The following DYNC2LI1 variants were observed in gnomAD, a reference collection of about 807,000 sequenced individuals.
DYNC2LI1 encodes cytoplasmic dynein 2 light intermediate chain 1.
Under a neutral mutation model 51.9 loss-of-function variants are expected in DYNC2LI1, and 45 were observed. That is an observed-to-expected ratio of 0.87 (90% CI 0.68 to 1.11). DYNC2LI1 has a LOEUF of 1.11. Among genes scored for constraint, DYNC2LI1 ranks in the 50% most tolerant of loss-of-function variants. The pLI is 0.00. For missense variants in DYNC2LI1, 490 were observed against 417.4 expected, an observed-to-expected ratio of 1.17 and a Z score of -1.51; for synonymous variants, 130 against 137.8, an observed-to-expected ratio of 0.94 and a Z score of 0.40.
chr2:43,781,170 C>T (rs1225497459), intron 2 of DYNC2LI1, among the ~76,000 whole-genome samples: 1 of 151,998 alleles, frequency 6.6e-6, no homozygotes, highest in East Asian at 1.9e-4. Flanking sequence ...AGTTCAAGAC[C>T]AGCCTGACCA....
At chr2:43,812,875 C>G (rs1233559775), downstream of DYNC2LI1, 2 of 527,816 alleles carry the variant, frequency 3.8e-6, no homozygotes, top group Non-Finnish European at 6.8e-6. Flanking sequence ...TTCTTGGGTC[C>G]GCTCAGTCAC....
chr2:43,792,163 G>C (rs1231157882), intron 5 of DYNC2LI1, among the ~76,000 whole-genome samples: 1 of 152,010 alleles, frequency 6.6e-6, no homozygotes, highest in Non-Finnish European at 1.5e-5. Flanking sequence ...AACTGCTTAT[G>C]AGCTTATTAA....
At chr2:43,826,360 C>T in the DYNC2LI1 span, 6 of 1,613,578 alleles carry the variant, frequency 3.7e-6, no homozygotes, top group Middle Eastern at 1.7e-4. Context: ...TAGACCCGGC[C>T]TTTACGAGTT....
chr2:43,781,409 A>G (rs1673275511), intron 2 of DYNC2LI1, among the ~76,000 whole-genome samples: 1 of 151,860 alleles, frequency 6.6e-6, no homozygotes, highest in Non-Finnish European at 1.5e-5. Context: ...ATTTAAATCA[A>G]TGAATACTAG....
At chr2:43,811,111 A>G (rs1666465671), downstream of DYNC2LI1, among the ~76,000 whole-genome samples, 1 of 152,208 alleles carries the variant, frequency 6.6e-6, no homozygotes, top group African/African-American at 2.4e-5. Flanking sequence ...CTTATGTTGT[A>G]CACCCATATC....
At chr2:43,798,250 G>A (rs1037655927) in intron 8 of DYNC2LI1, among the ~76,000 whole-genome samples, 1 of 152,144 alleles carries the variant, frequency 6.6e-6, no homozygotes, top group Non-Finnish European at 1.5e-5. Context: ...TTAACTGAAA[G>A]TAATATGTAC....
the DYNC2LI1 span, among the ~76,000 whole-genome samples, chr2:43,817,896 C>T: frequency 1.3e-5 from 2 of 151,604 alleles, no homozygotes; most frequent in Non-Finnish European, 2.9e-5. Context: ...GGTGACAGAG[C>T]GCGATTCCCT....
At chr2:43,788,482 G>C (rs1310598611) in intron 4 of DYNC2LI1, among the ~76,000 whole-genome samples, 1 of 152,022 alleles carries the variant, frequency 6.6e-6, no homozygotes. Flanking sequence ...TAATTCCCTA[G>C]GAGTCCTAAA....
At chr2:43,786,897 T>G (rs1673545618) in intron 3 of DYNC2LI1, among the ~76,000 whole-genome samples, 1 of 152,146 alleles carries the variant, frequency 6.6e-6, no homozygotes, top group Non-Finnish European at 1.5e-5. Flanking sequence ...TGTAGAGATC[T>G]TGTGCCCAGC....
rs939416795 is a variant in DYNC2LI1, at chr2:43,795,868, A to G, written c.508-22A>G. The stretch of plus-strand genomic sequence containing the variant: ...TAGCAATAAAGAATTACAACAACTC[A>G]AGGAAATATGTTTATTAGCAGGATC... On this transcript the variant is annotated intron_variant, in intron 6 of 12. Transcript: ENST00000260605. The G allele has an allele frequency of 5.6e-6, 9 of 1,595,712 alleles. No homozygotes were observed. The African/African-American group carries it at 1.2e-4, about 21-fold the overall frequency.
rs1204040164 is a variant in DYNC2LI1 at position 43,809,635 on chromosome 2, G to A, written c.994-70G>A. 4.0e-6 allele frequency: 4 copies of A among 998,768 alleles called. No individual in the cohort carries two copies. The East Asian group carries it at 7.3e-5, about 18-fold the overall frequency. The allele number at this position is 998,768 out of a possible 1,614,324, so 61.9% of individuals were successfully genotyped here. On this transcript the variant is annotated intron_variant, in intron 12 of 12. Coordinates refer to ENST00000260605, the MANE Select transcript of DYNC2LI1 (RefSeq NM_016008.4). ...ATTGATATATCTAAAAAATGAGAAG[G>A]CAGTTTTAAGGTGCCTCCTTGAATT... is the stretch of plus-strand genomic sequence containing the variant.
chr2:43,801,735 A>T (rs776338347), intron 10 of DYNC2LI1, 26 bp downstream of exon 10: 2 of 1,566,200 alleles, frequency 1.3e-6, no homozygotes, highest in Non-Finnish European at 1.8e-6. Flanking sequence ...AAGATTGTTC[A>T]ATCTTTTTTT....
chr2:43,823,828 T>C, the DYNC2LI1 span: 2 of 1,493,598 alleles, frequency 1.3e-6, no homozygotes, highest in Non-Finnish European at 1.8e-6. Flanking sequence ...AAAACCCTTA[T>C]AATGGTAGAC....
chr2:43,774,448 T>C (rs1409138255), intron 1 of DYNC2LI1, among the ~76,000 whole-genome samples: 1 of 152,202 alleles, frequency 6.6e-6, no homozygotes, highest in Non-Finnish European at 1.5e-5. Flanking sequence ...CATTCGGCGA[T>C]GAGCTAGACC....
At chr2:43,790,526 G>A (rs1055018733) in intron 5 of DYNC2LI1, among the ~76,000 whole-genome samples, 5 of 150,474 alleles carry the variant, frequency 3.3e-5, no homozygotes, top group African/African-American at 1.2e-4. Context: ...GGCTGGATAC[G>A]GTTGGTTTTA....
the DYNC2LI1 span, chr2:43,820,189 G>A: frequency 6.8e-7 from 1 of 1,477,150 alleles, no homozygotes; most frequent in South Asian, 1.2e-5. Context: ...AATCCTTTGT[G>A]GTGAGTGGGT....
the DYNC2LI1 span, among the ~76,000 whole-genome samples, chr2:43,822,325 C>CT: frequency 6.6e-6 from 1 of 152,172 alleles, no homozygotes; most frequent in Non-Finnish European, 1.5e-5. Flanking sequence ...AAACTCTCTC[C>CT]TTCCTCATCC....
At position 43,777,506 on chromosome 2, in the gene DYNC2LI1, G is replaced by A. The variant is rs565491016; in HGVS notation, c.126+607G>A. On this transcript the variant is annotated intron_variant, in intron 2 of 12. Transcript: ENST00000260605. ...TGCCTGGCCCACAAAGTTCCTGCCAGGAAGGCAAAATGACTGGTGACACAA... is the reference window on the plus strand; with the variant it reads ...TGCCTGGCCCACAAAGTTCCTGCCAAGAAGGCAAAATGACTGGTGACACAA... Among the ~76,000 whole-genome samples, 28 of 152,340 alleles carry A rather than the reference G, an allele frequency of 1.8e-4. No homozygotes were observed. In the South Asian group the frequency reaches 3.9e-3, roughly 21 times the overall value.
At chr2:43,807,903 T>A (rs551167627) in intron 12 of DYNC2LI1, among the ~76,000 whole-genome samples, 1 of 152,186 alleles carries the variant, frequency 6.6e-6, no homozygotes, top group Non-Finnish European at 1.5e-5. Flanking sequence ...GTTGAAGATC[T>A]AGTGGACTTG....
Sources: gnomAD v4.1 joint callset for allele counts (sites outside exome capture counted in the v4.1 genomes callset) on GRCh38, gnomAD v4.1.1 for gene constraint, MANE v1.5 for transcripts, NCBI Gene and HGNC (gene_info 2026-07-23, HGNC 2026-07-21) for gene names.